INO80: variants seen among roughly 807,000 people sequenced by gnomAD.
INO80 encodes the protein chromatin-remodeling ATPase INO80.
Under a neutral mutation model 203.4 loss-of-function variants are expected in INO80, and 20 were observed. The observed-to-expected ratio is 0.10, with a 90% CI of 0.07 to 0.14. INO80 has a LOEUF of 0.14. Ranked by LOEUF, INO80 falls within the 10% of genes least tolerant of loss-of-function variation. The pLI, the probability that INO80 is intolerant of heterozygous loss-of-function variation, is 1.00. For missense variants in INO80, 1,419 were observed against 1,914.4 expected (o/e 0.74, Z 4.83); for synonymous variants, 726 against 685.2 (o/e 1.06, Z -0.93).
intron 14 of INO80, among the ~76,000 whole-genome samples, chr15:41,061,577 C>A (rs1041406995): frequency 1.4e-5 from 2 of 142,626 alleles, no homozygotes; most frequent in Non-Finnish European, 3.1e-5. Context: ...GAGCCGAGAT[C>A]GTGCCACTGC....
intron 24 of INO80, among the ~76,000 whole-genome samples, chr15:41,032,565 TTCAA>T (rs750200377): frequency 2.0e-5 from 3 of 152,208 alleles, no homozygotes; most frequent in Non-Finnish European, 2.9e-5. Context: ...GGGTGAAATC[TTCAA>T]TCAATAGCCC....
At chr15:41,025,922 G>A (rs773137066) in intron 25 of INO80, among the ~76,000 whole-genome samples, 1 of 152,142 alleles carries the variant, frequency 6.6e-6, no homozygotes, top group Non-Finnish European at 1.5e-5. Flanking sequence ...GGCTTTAAAT[G>A]CTTCCTAGAA....
intron 24 of INO80, among the ~76,000 whole-genome samples, chr15:41,041,682 C>G (rs920406571): frequency 6.6e-6 from 1 of 151,894 alleles, no homozygotes; most frequent in Non-Finnish European, 1.5e-5. Flanking sequence ...ACCTCAGGTG[C>G]TCTGCCCGCC....
chr15:41,048,645 A>G (rs912774656), intron 21 of INO80, among the ~76,000 whole-genome samples: 6 of 152,184 alleles, frequency 3.9e-5, no homozygotes, highest in Non-Finnish European at 7.3e-5. Context: ...AAAATCCAAG[A>G]AATGTGTTTC....
Position 41,096,278 on chromosome 15 carries a change from T to G in INO80, c.33A>C (p.Gly11=). The G allele has an allele frequency of 8.7e-6, 14 of 1,606,314 alleles. No homozygotes were observed. Among genetic ancestry groups the G allele is most frequent in the Non-Finnish European group, 1.2e-5 (14 of 1,178,000 alleles). ...GGGGCTTTGCCAGCTCAGTGCAGCC[T>G]CCATCATCCCTGGCACCCAACTCCG... MASELGARDD[G]GCTELAKPLY... Residue 11 remains glycine (G), a synonymous_variant, in exon 2 of 36, where the codon GGA becomes GGC. Transcript: ENST00000648947.
intron 19 of INO80, among the ~76,000 whole-genome samples, chr15:41,052,956 C>T (rs1177425477): frequency 2.0e-5 from 3 of 151,940 alleles, no homozygotes; most frequent in Non-Finnish European, 2.9e-5. Flanking sequence ...TCACTGGAGC[C>T]CAGGTGGTCA....
At chr15:41,056,771 G>A in intron 16 of INO80, 65 bp from the exon 17 acceptor site, 1 of 1,370,426 alleles carries the variant, frequency 7.3e-7, no homozygotes, top group Non-Finnish European at 1.0e-6. Flanking sequence ...ATCCTACTGA[G>A]ACCCCATATT....
At chr15:40,984,048 T>G (rs972305288) in intron 33 of INO80, 127 bp from the exon 34 acceptor site, 1 of 1,357,864 alleles carries the variant, frequency 7.4e-7, no homozygotes, top group Non-Finnish European at 1.0e-6. Context: ...TGTCCTCATT[T>G]GTTTTTCTCC....
intron 12 of INO80, 74 bp downstream of exon 12, chr15:41,071,775 T>C (rs767059514): frequency 2.5e-5 from 34 of 1,372,526 alleles, no homozygotes; most frequent in Non-Finnish European, 3.2e-5. Context: ...CTTGTACTCA[T>C]TTCACAATCA....
intron 1 of INO80, among the ~76,000 whole-genome samples, chr15:41,100,284 C>G (rs1489710473): frequency 6.6e-6 from 1 of 152,042 alleles, no homozygotes; most frequent in Non-Finnish European, 1.5e-5. Flanking sequence ...CTGTGTTAGC[C>G]AGGATGGTCT....
intron 32 of INO80, among the ~76,000 whole-genome samples, chr15:40,984,669 A>G (rs980986211): frequency 7.2e-5 from 11 of 151,790 alleles, no homozygotes; most frequent in Non-Finnish European, 1.5e-4. Context: ...ATCTGCCACA[A>G]TAATAGAGTT....
Position 41,041,169 on chromosome 15 carries a change from C to T in INO80, c.2907+3735G>A, listed in dbSNP as rs148828761. The stretch of plus-strand genomic sequence containing the variant: ...GTAGCCTCAACCTCCTGGGCTCAGG[C>T]GATCCTTCCACCTCAGCCTTCCAAT... On this transcript the variant is annotated intron_variant, in intron 24 of 35. Coordinates refer to ENST00000648947, the MANE Select transcript of INO80 (RefSeq NM_017553.3). Among the ~76,000 whole-genome samples, 7 of 152,088 alleles carry T rather than the reference C, an allele frequency of 4.6e-5. No individual in the cohort carries two copies. The East Asian group carries it at 7.7e-4, about 17-fold the overall frequency.
intron 12 of INO80, 146 bp from the exon 13 acceptor site, chr15:41,070,693 A>G (rs2045295618): frequency 1.5e-6 from 1 of 663,682 alleles, no homozygotes. Context: ...ACCCACTGCT[A>G]TAGTAATTGC....
At chr15:41,055,699 A>G (rs945524392) in intron 17 of INO80, among the ~76,000 whole-genome samples, 34 of 152,250 alleles carry the variant, frequency 2.2e-4, no homozygotes, top group Non-Finnish European at 3.5e-4. Flanking sequence ...AACCTAAGGT[A>G]TGATAACTTG....
At chr15:41,033,778 G>A (rs777644888) in intron 24 of INO80, among the ~76,000 whole-genome samples, 1 of 152,130 alleles carries the variant, frequency 6.6e-6, no homozygotes, top group Non-Finnish European at 1.5e-5. Context: ...TAGGCCAGGC[G>A]CAGTGGCTCA....
At chr15:41,089,954 T>C (rs993843613) in intron 5 of INO80, among the ~76,000 whole-genome samples, 2 of 152,176 alleles carry the variant, frequency 1.3e-5, no homozygotes, top group Admixed American at 6.6e-5. Flanking sequence ...TGTTTCCATA[T>C]GACCCAGCAA....
rs777284680 is a variant in INO80, at chr15:41,074,397, C to T, written c.1300G>A (p.Val434Ile). The change falls in exon 10 of 36, where the codon GTA becomes ATA. Residue 434 changes from valine (V) to isoleucine (I), a missense_variant. Transcript: ENST00000648947. ...QRQIDIGGGV[V>I]VNITQEDYDS... ...TAATCCTCCTGTGTGATGTTAACTA[C>T]CACTCCTCCACCTATATCGATTTGT... 3 of 1,612,698 alleles carry T rather than the reference C, an allele frequency of 1.9e-6. No individual in the cohort carries two copies. The highest frequency in any genetic ancestry group is 2.5e-6 in the Non-Finnish European group (3 of 1,179,514).
intron 1 of INO80, among the ~76,000 whole-genome samples, chr15:41,106,929 T>C (rs572940416): frequency 7.9e-5 from 12 of 152,348 alleles, no homozygotes; most frequent in Admixed American, 1.3e-4. Context: ...TAGTTACCTA[T>C]GTAATCAGTA....
At chr15:41,104,206 CAAAAA>C (rs35510472) in intron 1 of INO80, among the ~76,000 whole-genome samples, 72 of 41,516 alleles carry the variant, frequency 1.7e-3, no homozygotes, top group East Asian at 6.6e-3. Flanking sequence ...AACTCCATCT[CAAAAA>C]AAAAAAAAAA....
Sources: gnomAD v4.1 joint callset for allele counts (sites outside exome capture counted in the v4.1 genomes callset) on GRCh38, gnomAD v4.1.1 for gene constraint, MANE v1.5 for transcripts, NCBI Gene and HGNC (gene_info 2026-07-23, HGNC 2026-07-21) for gene names.